AIF1L: variants seen among roughly 807,000 people sequenced by gnomAD.
AIF1L encodes the protein allograft inflammatory factor 1 like.
A neutral mutation model predicts 20.7 loss-of-function variants in AIF1L; 12 were observed. That is an observed-to-expected ratio of 0.58 (90% CI 0.37 to 0.94). The LOEUF (loss-of-function observed/expected upper bound fraction) is 0.94, where lower values mean the gene tolerates loss of function less well. Among genes scored for constraint, AIF1L ranks in the 40% least tolerant of loss-of-function variants. The pLI is 0.01. For missense variants in AIF1L, 173 were observed against 185.3 expected, an observed-to-expected ratio of 0.93 and a Z score of 0.39; for synonymous variants, 76 against 65.1, an observed-to-expected ratio of 1.17 and a Z score of -0.81.
At chr9:131,103,702 C>A (rs1830685289) in intron 2 of AIF1L, among the ~76,000 whole-genome samples, 1 of 152,172 alleles carries the variant, frequency 6.6e-6, no homozygotes, top group Non-Finnish European at 1.5e-5. Context: ...GGAGGTTCTG[C>A]ATATCATTAT....
chr9:131,097,976 C>G (rs1431001543), intron 2 of AIF1L, among the ~76,000 whole-genome samples: 1 of 152,244 alleles, frequency 6.6e-6, no homozygotes, highest in Non-Finnish European at 1.5e-5. Flanking sequence ...CCTGCAGGCT[C>G]CTCTGGTCCC....
intron 4 of AIF1L, among the ~76,000 whole-genome samples, chr9:131,114,914 G>A (rs769208953): frequency 2.0e-5 from 3 of 152,200 alleles, no homozygotes; most frequent in African/African-American, 7.2e-5. Flanking sequence ...CACTCAGGGT[G>A]GACAGGCCCT....
chr9:131,118,326 C>T (rs1831059058), intron 5 of AIF1L, among the ~76,000 whole-genome samples: 1 of 152,154 alleles, frequency 6.6e-6, no homozygotes, highest in African/African-American at 2.4e-5. Context: ...CTCCTGACCT[C>T]AGGTAATCTG....
intron 2 of AIF1L, among the ~76,000 whole-genome samples, chr9:131,107,263 C>T (rs904115692): frequency 1.3e-5 from 2 of 152,156 alleles, no homozygotes; most frequent in African/African-American, 2.4e-5. Flanking sequence ...ATGCTGTGCA[C>T]GTGGCCTTGC....
intron 2 of AIF1L, chr9:131,106,265 G>A (rs1380691524): frequency 7.9e-6 from 12 of 1,527,472 alleles, no homozygotes; most frequent in African/African-American, 6.9e-5. Context: ...TGCTGTTTCA[G>A]GCAAGTTAGT....
intron 2 of AIF1L, chr9:131,098,400 T>C (rs11244284): frequency 0.23 from 35,390 of 152,350 alleles, 4,630 homozygotes; most frequent in Admixed American, 0.29. Context: ...ACTGTGTGCC[T>C]GCCCAGCCTG....
chr9:131,101,513 AT>A (rs1327826973), intron 2 of AIF1L, among the ~76,000 whole-genome samples: 19 of 145,306 alleles, frequency 1.3e-4, no homozygotes, highest in South Asian at 2.2e-4. Context: ...CGCCAAGCTA[AT>A]TTTTTTTTTT....
intron 2 of AIF1L, among the ~76,000 whole-genome samples, chr9:131,103,542 A>G (rs953963149): frequency 8.5e-5 from 13 of 152,194 alleles, no homozygotes; most frequent in African/African-American, 2.7e-4. Flanking sequence ...CAGGCCAGGC[A>G]CTAAGGCAGG....
chr9:131,116,239 TG>T (rs1477408739), intron 4 of AIF1L, among the ~76,000 whole-genome samples: 7 of 152,154 alleles, frequency 4.6e-5, no homozygotes, highest in African/African-American at 1.7e-4. Flanking sequence ...AATAAAACAA[TG>T]GTGAGTATTT....
At chr9:131,111,008 T>G (rs1830867217) in intron 2 of AIF1L, among the ~76,000 whole-genome samples, 1 of 151,530 alleles carries the variant, frequency 6.6e-6, no homozygotes. Flanking sequence ...AAACCCCGTC[T>G]CTACTAAAAA....
At chr9:131,113,674 A>C (rs1024847156) in intron 3 of AIF1L, among the ~76,000 whole-genome samples, 2 of 151,758 alleles carry the variant, frequency 1.3e-5, no homozygotes, top group African/African-American at 4.8e-5. Flanking sequence ...CTTCTAAAAA[A>C]AAGAAGAAAA....
At chr9:131,115,783 G>A (rs968427043) in intron 4 of AIF1L, among the ~76,000 whole-genome samples, 12 of 152,030 alleles carry the variant, frequency 7.9e-5, no homozygotes, top group African/African-American at 2.9e-4. Context: ...AGACCAGCCT[G>A]GGCAACATGG....
chr9:131,113,538 G>A (rs353521), intron 3 of AIF1L, among the ~76,000 whole-genome samples: 143,400 of 147,708 alleles, frequency 0.97, 69,790 homozygotes, highest in East Asian at 1. Flanking sequence ...GGTTAAGAAC[G>A]GGGGCTTTGG....
At chr9:131,105,858 G>T (rs1243128148) in intron 2 of AIF1L, among the ~76,000 whole-genome samples, 1 of 150,414 alleles carries the variant, frequency 6.6e-6, no homozygotes, top group African/African-American at 2.4e-5. Context: ...TTAGAGACAG[G>T]GTCTGGCTGG....
rs353526 is a variant in AIF1L at position 131,111,593 on chromosome 9, G to T, written c.94-4G>T. 3 of 1,613,642 alleles carry T rather than the reference G, an allele frequency of 1.9e-6. No individual in the cohort carries two copies. The African/African-American group carries it at 4.0e-5, about 22-fold the overall frequency. On this transcript the variant is annotated splice_polypyrimidine_tract_variant and splice_region_variant and intron_variant, in intron 2 of 5. Transcript: ENST00000247291. ...TGCTCAGCACTGTCCTCTCACCTCT[G>T]TAGGAGTTTCTGTGTGACCAGAAGT... is the stretch of plus-strand genomic sequence containing the variant.
At chr9:131,106,937 A>G (rs1830765484) in intron 2 of AIF1L, among the ~76,000 whole-genome samples, 1 of 152,002 alleles carries the variant, frequency 6.6e-6, no homozygotes, top group Non-Finnish European at 1.5e-5. Flanking sequence ...CTCTACTAAA[A>G]CAAAAATTAG....
chr9:131,120,138 C>T (rs1831103077), intron 5 of AIF1L, 97 bp from the exon 6 acceptor site: 1 of 1,163,748 alleles, frequency 8.6e-7, no homozygotes, highest in African/African-American at 1.5e-5. Flanking sequence ...TGTTGAGGAC[C>T]CTGCTGACAT....
chr9:131,104,229 A>G (rs1318127742), intron 2 of AIF1L, among the ~76,000 whole-genome samples: 4 of 152,056 alleles, frequency 2.6e-5, no homozygotes, highest in Admixed American at 6.6e-5. Flanking sequence ...GGCCCCCTGC[A>G]CTTCTCACAC....
intron 4 of AIF1L, among the ~76,000 whole-genome samples, chr9:131,116,745 T>C (rs1831021915): frequency 1.3e-5 from 2 of 152,204 alleles, no homozygotes; most frequent in Non-Finnish European, 2.9e-5. Flanking sequence ...GTAGAGGAAA[T>C]CTCAGGAAGG....
Sources: gnomAD v4.1 joint callset for allele counts (sites outside exome capture counted in the v4.1 genomes callset) on GRCh38, gnomAD v4.1.1 for gene constraint, MANE v1.5 for transcripts, NCBI Gene and HGNC (gene_info 2026-07-23, HGNC 2026-07-21) for gene names.